NXPE2: variants seen among roughly 807,000 people sequenced by gnomAD.
The protein encoded by NXPE2 is NXPE family member 2.
NXPE2 carries 34 observed loss-of-function variants against 34.4 expected under a neutral mutation model. The observed-to-expected ratio is 0.99, with a 90% CI of 0.75 to 1.31. The LOEUF (loss-of-function observed/expected upper bound fraction) is 1.31. Ranked by LOEUF, NXPE2 falls within the 40% of genes most tolerant of loss-of-function variation. The pLI is 0.00. For missense variants in NXPE2, 649 were observed against 672.5 expected (o/e 0.97, Z 0.39); for synonymous variants, 235 against 231.3 (o/e 1.02, Z -0.15).
chr11:114,785,940 C>G, the NXPE2 span, among the ~76,000 whole-genome samples: 4 of 152,140 alleles, frequency 2.6e-5, no homozygotes, highest in African/African-American at 4.8e-5. Context: ...CACTCAGAGA[C>G]ACTGGGACAG....
the NXPE2 span, among the ~76,000 whole-genome samples, chr11:114,555,596 A>G: frequency 6.6e-6 from 1 of 152,170 alleles, no homozygotes; most frequent in Non-Finnish European, 1.5e-5. Context: ...ACCCATCACA[A>G]TCAATAAGTA....
At chr11:114,762,156 G>C in the NXPE2 span, among the ~76,000 whole-genome samples, 1 of 152,152 alleles carries the variant, frequency 6.6e-6, no homozygotes, top group Non-Finnish European at 1.5e-5. Context: ...GGTGACTCTT[G>C]AGGAAGATGA....
At chr11:114,790,022 T>A in the NXPE2 span, among the ~76,000 whole-genome samples, 1 of 152,192 alleles carries the variant, frequency 6.6e-6, no homozygotes, top group South Asian at 2.1e-4. Context: ...CTGAGTCAGA[T>A]ATGCACAAGC....
chr11:114,580,340 T>A, the NXPE2 span: 1 of 1,613,334 alleles, frequency 6.2e-7, no homozygotes, highest in Non-Finnish European at 8.5e-7. Flanking sequence ...CTGTTTCTTC[T>A]GCCAAAGAAT....
At chr11:114,745,782 T>C in the NXPE2 span, among the ~76,000 whole-genome samples, 1 of 151,860 alleles carries the variant, frequency 6.6e-6, no homozygotes, top group Non-Finnish European at 1.5e-5. Context: ...AAGAAGAAAA[T>C]AAGAGAAAAA....
chr11:114,554,721 C>T, the NXPE2 span, among the ~76,000 whole-genome samples: 9 of 152,150 alleles, frequency 5.9e-5, no homozygotes, highest in South Asian at 2.1e-4. Context: ...GACTTCAAGT[C>T]GCTAAGCCAC....
the NXPE2 span, among the ~76,000 whole-genome samples, chr11:114,727,510 C>T: frequency 6.6e-6 from 1 of 151,806 alleles, no homozygotes; most frequent in Non-Finnish European, 1.5e-5. Context: ...CAACAATAAC[C>T]TTTGAAGTTA....
chr11:114,590,909 C>G, the NXPE2 span, among the ~76,000 whole-genome samples: 1 of 152,206 alleles, frequency 6.6e-6, no homozygotes, highest in Non-Finnish European at 1.5e-5. Flanking sequence ...AAATATCAGG[C>G]TCTGCTGTTA....
chr11:114,757,126 A>C, the NXPE2 span, among the ~76,000 whole-genome samples: 49,668 of 152,028 alleles, frequency 0.33, 8,953 homozygotes, highest in East Asian at 0.43. Context: ...TGGCATGCAA[A>C]TATAAATCAA....
At position 114,698,608 on chromosome 11, in the gene NXPE2, C is replaced by T; in HGVS notation, c.696C>T (p.Gly232=). ...NRSSNVFTEC[G]LTLNTNAELC... Reference sequence around the variant, plus strand: ...GCTCCAATGTCTTCACTGAATGTGGCCTGACCCTAAACACAAATGCTGAAC... The same window carrying T: ...GCTCCAATGTCTTCACTGAATGTGGTCTGACCCTAAACACAAATGCTGAAC... The change falls in exon 3 of 6, where the codon GGC becomes GGT. Residue 232 remains glycine, a synonymous_variant. Coordinates refer to ENST00000389586, the MANE Select transcript of NXPE2 (RefSeq NM_182495.6). 6.2e-7 allele frequency: 1 copy of T among 1,614,178 alleles called. No homozygotes were observed. Among genetic ancestry groups the T allele is most frequent in the South Asian group, 1.1e-5 (1 of 91,076 alleles).
intron 2 of NXPE2, among the ~76,000 whole-genome samples, chr11:114,687,710 G>A (rs569941594): frequency 2.0e-5 from 3 of 152,116 alleles, no homozygotes; most frequent in Admixed American, 2.0e-4. Context: ...ACATTTAAAT[G>A]ATATAGATTC....
In NXPE2 at chr11:114,705,954, A is replaced by G; in HGVS notation, c.1102A>G (p.Thr368Ala). ...RKLIYLMGDS[T>A]LHQWIYYLQK... ...ACTTATTTATCTCATGGGAGATTCA[A>G]CACTGCATCAGTGGATTTACTACTT... The change falls in exon 5 of 6, where the codon ACA becomes GCA. Residue 368 changes from threonine to alanine, a missense_variant. Physicochemically the swap from Thr to Ala is moderately conservative, Grantham distance 58. Transcript: ENST00000389586. 1 of 1,521,050 alleles carries G rather than the reference A, an allele frequency of 6.6e-7. No individual in the cohort carries two copies. The highest frequency in any genetic ancestry group is 8.8e-7 in the Non-Finnish European group (1 of 1,134,032). The allele number at this position is 1,521,050 out of a possible 1,614,324, so 94.2% of individuals were successfully genotyped here. A position where few individuals can be genotyped will look rare whatever the true frequency, so the allele number is the denominator to read the frequency against.
chr11:114,607,006 T>C, the NXPE2 span, among the ~76,000 whole-genome samples: 1 of 151,964 alleles, frequency 6.6e-6, no homozygotes, highest in Non-Finnish European at 1.5e-5. Context: ...ATAATCAGTA[T>C]TGCCTCTAGA....
At chr11:114,692,687 GT>G (rs1951175823) in intron 2 of NXPE2, among the ~76,000 whole-genome samples, 1 of 152,202 alleles carries the variant, frequency 6.6e-6, no homozygotes, top group African/African-American at 2.4e-5. Context: ...TGGGCCAGCT[GT>G]TTTAAATACT....
At chr11:114,693,363 T>G (rs1951188362) in intron 2 of NXPE2, among the ~76,000 whole-genome samples, 4 of 152,198 alleles carry the variant, frequency 2.6e-5, no homozygotes, top group Admixed American at 2.6e-4. Context: ...AAGTGGTTGA[T>G]GAACTCCTGG....
chr11:114,533,973 G>C, the NXPE2 span, among the ~76,000 whole-genome samples: 1 of 152,216 alleles, frequency 6.6e-6, no homozygotes, highest in Admixed American at 6.5e-5. Context: ...ATCTGAGAAT[G>C]GGCAGACTGC....
the NXPE2 span, among the ~76,000 whole-genome samples, chr11:114,736,781 CAG>C: frequency 6.6e-6 from 1 of 152,182 alleles, no homozygotes. Context: ...GCAGTAAAGA[CAG>C]GCATAAGAAA....
the NXPE2 span, among the ~76,000 whole-genome samples, chr11:114,803,900 G>T: frequency 6.6e-6 from 1 of 152,064 alleles, no homozygotes; most frequent in African/African-American, 2.4e-5. Context: ...TTGTATAAGG[G>T]CACTAATCTC....
At chr11:114,717,566 T>A in the NXPE2 span, among the ~76,000 whole-genome samples, 1 of 152,246 alleles carries the variant, frequency 6.6e-6, no homozygotes, top group African/African-American at 2.4e-5. Flanking sequence ...ATGAACTGCA[T>A]AATCTTCGAT....
Sources: allele counts gnomAD v4.1 joint callset (sites outside exome capture counted in the v4.1 genomes callset), GRCh38; gene constraint gnomAD v4.1.1; transcripts MANE v1.5; gene names NCBI Gene and HGNC (gene_info 2026-07-23, HGNC 2026-07-21).